The following PRKN variants were observed in gnomAD, a reference collection of about 807,000 sequenced individuals.
PRKN encodes the protein parkin RBR E3 ubiquitin protein ligase.
In PRKN, 56 loss-of-function variants were observed where a neutral mutation model predicts 59.5. The ratio of observed to expected loss-of-function variants is 0.94; its 90% confidence interval spans 0.76 to 1.18. The LOEUF (loss-of-function observed/expected upper bound fraction) is 1.18, where lower values mean the gene tolerates loss of function less well. PRKN is among the 50% of genes most tolerant of loss of function. The probability of loss-of-function intolerance (pLI) is 0.00; values close to 1 mark genes in which losing one functional copy is unlikely to be tolerated. For synonymous variants in PRKN, 250 were observed against 222.1 expected (o/e 1.13, Z -1.12); for missense variants, 657 against 596.4 (o/e 1.10, Z -1.06).
chr6:161,403,284 A>T (rs1787126842), intron 9 of PRKN, among the ~76,000 whole-genome samples: 1 of 152,130 alleles, frequency 6.6e-6, no homozygotes, highest in South Asian at 2.1e-4. Context: ...TATTTTTAAA[A>T]ATTGCCTAAC....
At chr6:162,102,606 C>T (rs911052417) in intron 4 of PRKN, among the ~76,000 whole-genome samples, 12 of 152,184 alleles carry the variant, frequency 7.9e-5, no homozygotes, top group African/African-American at 2.2e-4. Context: ...GAAAAACATA[C>T]GCAGGTATTT....
At chr6:162,038,616 G>T (rs553405548) in intron 5 of PRKN, among the ~76,000 whole-genome samples, 44 of 152,218 alleles carry the variant, frequency 2.9e-4, no homozygotes, top group African/African-American at 9.4e-4. Context: ...TGTCTACTAG[G>T]CTACATACTA....
intron 2 of PRKN, among the ~76,000 whole-genome samples, chr6:162,320,199 C>T (rs1187663464): frequency 6.6e-6 from 1 of 151,526 alleles, no homozygotes; most frequent in African/African-American, 2.4e-5. Flanking sequence ...GTTTCTTTAT[C>T]CAATCATTCA....
chr6:162,187,957 T>G (rs935743800), intron 4 of PRKN, among the ~76,000 whole-genome samples: 5 of 152,118 alleles, frequency 3.3e-5, no homozygotes, highest in South Asian at 2.1e-4. Context: ...TCCCACGTCA[T>G]AAGAGGAACC....
At chr6:161,608,541 T>TAG (rs1782370525) in intron 7 of PRKN, among the ~76,000 whole-genome samples, 1 of 151,908 alleles carries the variant, frequency 6.6e-6, no homozygotes, top group Non-Finnish European at 1.5e-5. Context: ...ATATTTAATT[T>TAG]TTTTTTTTTT....
intron 2 of PRKN, among the ~76,000 whole-genome samples, chr6:162,355,057 G>C (rs1170924623): frequency 6.6e-6 from 1 of 151,750 alleles, no homozygotes; most frequent in Non-Finnish European, 1.5e-5. Flanking sequence ...TGGGAGATTA[G>C]AAATACAAAG....
At position 161,467,633 on chromosome 6, in the gene PRKN, C is replaced by T. The variant is rs562255092; in HGVS notation, c.1084-80756G>A. On this transcript the variant is annotated intron_variant, in intron 9 of 11. Transcript: ENST00000366898. This position sits in a 1 kb window ranked among gnomAD's most constrained non-coding sequence, Gnocchi z 4.3. ...AGGGAAGGCTTCCTGGAGATGATGA[C>T]GCTTGAGAGGAGTCTCAAAGGATGT... 3.9e-5 allele frequency among the ~76,000 whole-genome samples: 6 copies of T among 152,250 alleles called. No individual in the cohort carries two copies. The South Asian group carries it at 6.2e-4, about 16-fold the overall frequency.
chr6:162,527,518 T>C (rs568815812), intron 1 of PRKN, among the ~76,000 whole-genome samples: 8 of 152,322 alleles, frequency 5.3e-5, no homozygotes, highest in Non-Finnish European at 1.5e-5. Flanking sequence ...TAACAAGAAT[T>C]ATTCAACTAG....
chr6:162,408,091 T>A (rs993318477), intron 2 of PRKN, among the ~76,000 whole-genome samples: 7 of 152,270 alleles, frequency 4.6e-5, no homozygotes, highest in African/African-American at 1.2e-4. Flanking sequence ...TATATAAAAT[T>A]CCTACTCTCA....
chr6:161,567,735 A>G (rs9355351), intron 8 of PRKN, among the ~76,000 whole-genome samples: 51,629 of 152,054 alleles, frequency 0.34, 10,104 homozygotes, highest in East Asian at 0.71. Flanking sequence ...AGATCTGAGG[A>G]GATGATTACT....
intron 5 of PRKN, among the ~76,000 whole-genome samples, chr6:162,047,296 C>T (rs1199008469): frequency 6.6e-6 from 1 of 152,138 alleles, no homozygotes; most frequent in African/African-American, 2.4e-5. Flanking sequence ...TCCAGCTGCT[C>T]TTTGACCACA....
intron 2 of PRKN, among the ~76,000 whole-genome samples, chr6:162,440,403 C>G (rs1165992428): frequency 2.0e-5 from 3 of 152,060 alleles, no homozygotes; most frequent in Non-Finnish European, 4.4e-5. Flanking sequence ...CCCAAAGTAC[C>G]TGAGGTGAGG....
intron 5 of PRKN, among the ~76,000 whole-genome samples, chr6:161,991,337 A>G (rs993896143): frequency 1.3e-5 from 2 of 152,180 alleles, no homozygotes; most frequent in African/African-American, 4.8e-5. Flanking sequence ...CACAAAGGAG[A>G]AATGAAGGAC....
chr6:162,588,767 G>A (rs1781178793), intron 1 of PRKN, among the ~76,000 whole-genome samples: 1 of 151,900 alleles, frequency 6.6e-6, no homozygotes, highest in African/African-American at 2.4e-5. Flanking sequence ...TAGCCAGGAT[G>A]GTCTCGATCT....
chr6:162,568,838 G>T (rs1780195375), intron 1 of PRKN: 1 of 724,822 alleles, frequency 1.4e-6, no homozygotes, highest in South Asian at 1.4e-5. Context: ...AGGACTTTAA[G>T]AACAAGTACA....
intron 5 of PRKN, among the ~76,000 whole-genome samples, chr6:162,042,595 T>C (rs1336143055): frequency 4.6e-5 from 7 of 152,266 alleles, no homozygotes; most frequent in East Asian, 3.9e-4. Context: ...GGCTGAACCA[T>C]AGCCCTTTTA....
chr6:161,659,992 A>G (rs1017428454), intron 7 of PRKN, among the ~76,000 whole-genome samples: 3 of 152,184 alleles, frequency 2.0e-5, no homozygotes, highest in African/African-American at 7.2e-5. Flanking sequence ...AGTTGCTGCA[A>G]CAATTAAATG....
At position 162,102,967 on chromosome 6, in the gene PRKN, C is replaced by T. The variant is rs530700727; in HGVS notation, c.535-48793G>A. On this transcript the variant is annotated intron_variant, in intron 4 of 11. Coordinates refer to ENST00000366898, the MANE Select transcript of PRKN (RefSeq NM_004562.3). ...CTGAGGCAGGAGAATGGCGTGAACCCGGGAGGCAGAGCTTGCAGTGAGCAG... is the reference window on the plus strand; with the variant it reads ...CTGAGGCAGGAGAATGGCGTGAACCTGGGAGGCAGAGCTTGCAGTGAGCAG... Among the ~76,000 whole-genome samples, 69 of 148,940 alleles carry T rather than the reference C, an allele frequency of 4.6e-4. 1 individual carries two copies. Among genetic ancestry groups the T allele is most frequent in the South Asian group, 3.6e-3 (17 of 4,738 alleles).
At chr6:162,049,771 T>C (rs1236523097) in intron 5 of PRKN, among the ~76,000 whole-genome samples, 1 of 152,162 alleles carries the variant, frequency 6.6e-6, no homozygotes, top group Non-Finnish European at 1.5e-5. Flanking sequence ...CTATTGATAG[T>C]TAAATTTCTT....
Sources: gnomAD v4.1 joint callset for allele counts (sites outside exome capture counted in the v4.1 genomes callset) on GRCh38, gnomAD v4.1.1 for gene constraint, Gnocchi (gnomAD v3.1) non-coding constraint, MANE v1.5 for transcripts, NCBI Gene and HGNC (gene_info 2026-07-23, HGNC 2026-07-21) for gene names.